PTPRT: variants seen among roughly 807,000 people sequenced by gnomAD.
The protein encoded by PTPRT is protein tyrosine phosphatase receptor type T.
PTPRT carries 56 observed loss-of-function variants against 176.8 expected under a neutral mutation model. The ratio of observed to expected loss-of-function variants is 0.32; its 90% CI spans 0.26 to 0.40. The LOEUF is 0.40. PTPRT is among the 10% of genes least tolerant of loss of function. The pLI, the probability that PTPRT is intolerant of heterozygous loss-of-function variation, is 1.00. For missense variants in PTPRT, 1,540 were observed against 1,908.2 expected, an observed-to-expected ratio of 0.81 and a Z score of 3.60; for synonymous variants, 783 against 739.0, an observed-to-expected ratio of 1.06 and a Z score of -0.96.
At chr20:42,796,890 C>G (rs1273222346) in intron 2 of PTPRT, among the ~76,000 whole-genome samples, 1 of 152,224 alleles carries the variant, frequency 6.6e-6, no homozygotes, top group Non-Finnish European at 1.5e-5. Context: ...AGTCACTTAA[C>G]TCTTTGACTC....
intron 7 of PTPRT, among the ~76,000 whole-genome samples, chr20:42,641,367 A>G (rs1290194254): frequency 6.6e-6 from 1 of 152,208 alleles, no homozygotes; most frequent in Non-Finnish European, 1.5e-5. Context: ...AATAAGCAGC[A>G]GTGAGAGCTG....
chr20:42,245,919 A>G (rs916369404), intron 14 of PTPRT, among the ~76,000 whole-genome samples: 1 of 152,196 alleles, frequency 6.6e-6, no homozygotes, highest in Non-Finnish European at 1.5e-5. Flanking sequence ...AGCTTAAGCC[A>G]GTGGAGGGGT....
chr20:43,052,446 G>T (rs1017025534), intron 1 of PTPRT, among the ~76,000 whole-genome samples: 14 of 152,340 alleles, frequency 9.2e-5, no homozygotes, highest in Middle Eastern at 6.8e-3. Flanking sequence ...ACAGCAAAAA[G>T]CTAGGTGTGG....
intron 18 of PTPRT, among the ~76,000 whole-genome samples, chr20:42,131,270 C>T (rs1464095442): frequency 6.6e-6 from 1 of 152,190 alleles, no homozygotes; most frequent in Non-Finnish European, 1.5e-5. Flanking sequence ...GCACCTGACT[C>T]TCAGCCCAGG....
At chr20:42,524,063 T>G (rs2072225568) in intron 7 of PTPRT, among the ~76,000 whole-genome samples, 1 of 152,190 alleles carries the variant, frequency 6.6e-6, no homozygotes, top group Admixed American at 6.5e-5. Context: ...TCCACAGCAA[T>G]CCAAAGATCT....
intron 2 of PTPRT, among the ~76,000 whole-genome samples, chr20:42,876,306 T>A (rs1379466300): frequency 1.3e-5 from 2 of 152,200 alleles, no homozygotes; most frequent in African/African-American, 2.4e-5. Context: ...TAAGGACACT[T>A]AAAGGCCCAT....
chr20:42,527,112 T>C (rs2072288715), intron 7 of PTPRT, among the ~76,000 whole-genome samples: 1 of 151,948 alleles, frequency 6.6e-6, no homozygotes, highest in African/African-American at 2.4e-5. Context: ...TACAGGCGCC[T>C]GCCACTATGT....
intron 7 of PTPRT, among the ~76,000 whole-genome samples, chr20:42,637,866 A>C (rs926893615): frequency 2.0e-5 from 3 of 152,196 alleles, no homozygotes; most frequent in Non-Finnish European, 2.9e-5. Context: ...GACAAAGCTA[A>C]GAGGGTAAAG....
At chr20:43,132,285 T>A (rs2146382032) in intron 1 of PTPRT, among the ~76,000 whole-genome samples, 1 of 152,266 alleles carries the variant, frequency 6.6e-6, no homozygotes, top group South Asian at 2.1e-4. Context: ...AAACTAAGAT[T>A]TCAGTAGGTG....
At chr20:42,936,641 G>C (rs1054004446) in intron 1 of PTPRT, among the ~76,000 whole-genome samples, 1 of 152,148 alleles carries the variant, frequency 6.6e-6, no homozygotes, top group African/African-American at 2.4e-5. Context: ...CACTGAGGAG[G>C]CTGCAGGTCT....
At chr20:42,356,007 T>C (rs1397761959) in intron 9 of PTPRT, among the ~76,000 whole-genome samples, 1 of 152,126 alleles carries the variant, frequency 6.6e-6, no homozygotes, top group Non-Finnish European at 1.5e-5. Flanking sequence ...ATATAGCATG[T>C]CTTCAATTTT....
intron 7 of PTPRT, among the ~76,000 whole-genome samples, chr20:42,620,795 C>G (rs1052315855): frequency 1.3e-5 from 2 of 152,176 alleles, no homozygotes; most frequent in Non-Finnish European, 2.9e-5. Flanking sequence ...CGCCCTGCTT[C>G]GGCTTGCGCA....
At chr20:42,329,490 CACACACACACACAT>C (rs1206292486) in intron 11 of PTPRT, among the ~76,000 whole-genome samples, 21 of 139,640 alleles carry the variant, frequency 1.5e-4, no homozygotes, top group Non-Finnish European at 1.7e-4. Flanking sequence ...CACACACACA[CACACACACACACAT>C]ACACACACAC....
intron 9 of PTPRT, among the ~76,000 whole-genome samples, chr20:42,430,677 G>C (rs2059208878): frequency 6.6e-6 from 1 of 152,166 alleles, no homozygotes; most frequent in Non-Finnish European, 1.5e-5. Context: ...CTGGGGACCA[G>C]GCAATCTACT....
intron 1 of PTPRT, among the ~76,000 whole-genome samples, chr20:42,984,915 G>A (rs768645250): frequency 6.6e-6 from 1 of 152,192 alleles, no homozygotes; most frequent in Admixed American, 6.5e-5. Context: ...TAACGACAGA[G>A]GCTGACCAGG....
At chr20:42,992,858 C>T (rs1396864466) in intron 1 of PTPRT, among the ~76,000 whole-genome samples, 1 of 152,188 alleles carries the variant, frequency 6.6e-6, no homozygotes, top group Non-Finnish European at 1.5e-5. Flanking sequence ...AGTCTCAGGC[C>T]TCTCCATGTG....
At chr20:43,149,296 C>A (rs535172812) in intron 1 of PTPRT, among the ~76,000 whole-genome samples, 55 of 152,166 alleles carry the variant, frequency 3.6e-4, no homozygotes, top group Admixed American at 7.2e-4. Context: ...ACAAAATAAA[C>A]TTTGTCATGA....
chr20:42,048,797 A>C, the PTPRT span, among the ~76,000 whole-genome samples: 1 of 152,092 alleles, frequency 6.6e-6, no homozygotes, highest in Non-Finnish European at 1.5e-5. Context: ...GAGCCTAATA[A>C]AATACTACTA....
intron 5 of PTPRT, among the ~76,000 whole-genome samples, chr20:42,770,557 C>G (rs941402938): frequency 1.3e-5 from 2 of 151,998 alleles, no homozygotes; most frequent in African/African-American, 4.8e-5. Flanking sequence ...AAGGCAAATT[C>G]AAGCTTCAAA....
Sources: gnomAD v4.1 joint callset for allele counts (sites outside exome capture counted in the v4.1 genomes callset) on GRCh38, gnomAD v4.1.1 for gene constraint, MANE v1.5 for transcripts, NCBI Gene and HGNC (gene_info 2026-07-23, HGNC 2026-07-21) for gene names.